Variants in PLAC8 observed in about 807,000 individuals in gnomAD.
The protein encoded by PLAC8 is placenta associated 8, also known as placenta-specific gene 8 protein.
In PLAC8, 6 loss-of-function variants were observed where a neutral mutation model predicts 12.6. That is an observed-to-expected ratio of 0.48 (90% confidence interval 0.26 to 0.94). The LOEUF (loss-of-function observed/expected upper bound fraction) is 0.94. PLAC8 is among the 40% of genes least tolerant of loss of function. The pLI is 0.14. For synonymous variants in PLAC8, 54 were observed against 52.6 expected, an observed-to-expected ratio of 1.03 and a Z score of -0.11; for missense variants, 122 against 152.7, an observed-to-expected ratio of 0.80 and a Z score of 1.06.
chr4:83,109,524 G>A (rs1383150248), intron 1 of PLAC8, among the ~76,000 whole-genome samples: 1 of 152,238 alleles, frequency 6.6e-6, no homozygotes, highest in Non-Finnish European at 1.5e-5. Context: ...GGATGTGTAC[G>A]TGGCGGTGGA....
In PLAC8 at chr4:83,112,204, GTATATATATATATGTATA is replaced by G. The variant is rs1308320137; in HGVS notation, c.-30+2444_-30+2461del. 3.7e-4 allele frequency among the ~76,000 whole-genome samples: 47 copies of G among 128,556 alleles called. 1 individual carries two copies. In the South Asian group the frequency reaches 3.8e-3, roughly 10 times the overall value. The allele number at this position is 128,556 out of a possible 152,430, so 84.3% of individuals were successfully genotyped here. A position where few individuals can be genotyped will look rare whatever the true frequency, so the allele number is the denominator to read the frequency against. ...AAAAAAAATTTATATATATATATAT[GTATATATATATATGTATA>G]TATATATATATATATGTATCAGCTG... On this transcript the variant is annotated intron_variant, in intron 1 of 4. Transcript: ENST00000311507.
chr4:83,090,359 C>G lies in PLAC8; in HGVS notation c.*622G>C, dbSNP rs1228163148. 1.3e-5 allele frequency: 2 copies of G among 151,710 alleles called. No individual in the cohort carries two copies. The highest frequency in any genetic ancestry group is 4.8e-5 in the African/African-American group (2 of 41,296). 9.4% of individuals were successfully genotyped at this position (151,710 alleles called of 1,614,324 possible). A position where few individuals can be genotyped will look rare whatever the true frequency, so the allele number is the denominator to read the frequency against. On this transcript the variant is annotated 3_prime_UTR_variant, in exon 5 of 5. Coordinates refer to ENST00000311507, the MANE Select transcript of PLAC8 (RefSeq NM_016619.3). Reference sequence around the variant, plus strand: ...CCTGACCAAGATGGTGAAACCCCGTCTCTACTAAAAATACAAAAATTAGCT... The same window carrying G: ...CCTGACCAAGATGGTGAAACCCCGTGTCTACTAAAAATACAAAAATTAGCT...
chr4:83,111,634 A>C (rs1732425654), intron 1 of PLAC8, among the ~76,000 whole-genome samples: 1 of 152,182 alleles, frequency 6.6e-6, no homozygotes, highest in African/African-American at 2.4e-5. Context: ...CAGAGGAAAA[A>C]CATGTTCATT....
rs546080851 is a variant in PLAC8, at chr4:83,113,152, G to A, written c.-30+1514C>T. ...GTCTAAAAGTCTGTAACGTGCACCCGCAGGGCTGCTGCCCTTATGCCATAG... is the reference window on the plus strand; with the variant it reads ...GTCTAAAAGTCTGTAACGTGCACCCACAGGGCTGCTGCCCTTATGCCATAG... On this transcript the variant is annotated intron_variant, in intron 1 of 4. Transcript: ENST00000311507. 1.5e-4 allele frequency among the ~76,000 whole-genome samples: 23 copies of A among 152,334 alleles called. No individual in the cohort carries two copies. In the South Asian group the frequency reaches 4.8e-3, roughly 32 times the overall value.
chr4:83,098,706 A>C (rs1732007497), intron 3 of PLAC8, among the ~76,000 whole-genome samples: 1 of 151,494 alleles, frequency 6.6e-6, no homozygotes, highest in Non-Finnish European at 1.5e-5. Context: ...TCTTGTTTGG[A>C]AAGCTAAGTC....
At chr4:83,107,493 A>G (rs1032849672) in intron 2 of PLAC8, among the ~76,000 whole-genome samples, 2 of 152,094 alleles carry the variant, frequency 1.3e-5, no homozygotes, top group Admixed American at 6.5e-5. Flanking sequence ...AGTTCTATTT[A>G]GTCAGGCCAG....
At chr4:83,093,908 G>A (rs1731864826) in intron 4 of PLAC8, 2 of 152,082 alleles carry the variant, frequency 1.3e-5, no homozygotes, top group Admixed American at 1.3e-4. Context: ...CTAAGTAAAT[G>A]AACATTTTTT....
chr4:83,112,204 G>GTATATATATA (rs754066888), intron 1 of PLAC8, among the ~76,000 whole-genome samples: 89 of 128,662 alleles, frequency 6.9e-4, no homozygotes, highest in African/African-American at 3.3e-3. Flanking sequence ...ATATATATAT[G>GTATATATATA]TATATATATA....
intron 1 of PLAC8, among the ~76,000 whole-genome samples, chr4:83,113,279 T>A (rs1732465576): frequency 6.6e-6 from 1 of 152,152 alleles, no homozygotes; most frequent in Non-Finnish European, 1.5e-5. Flanking sequence ...TACACCTTCC[T>A]CCATGCGATG....
intron 3 of PLAC8, among the ~76,000 whole-genome samples, chr4:83,097,524 G>T (rs1731969896): frequency 6.6e-6 from 1 of 152,068 alleles, no homozygotes; most frequent in Non-Finnish European, 1.5e-5. Flanking sequence ...AAAATTGTTT[G>T]ATTTACCTAC....
chr4:83,113,629 C>G (rs1342126053), intron 1 of PLAC8, among the ~76,000 whole-genome samples: 5 of 151,938 alleles, frequency 3.3e-5, no homozygotes, highest in Admixed American at 3.3e-4. Context: ...TTGTTCCATG[C>G]CATCTTTAAC....
chr4:83,094,644 A>G (rs984714940), intron 4 of PLAC8, 34 bp downstream of exon 4: 2 of 1,109,530 alleles, frequency 1.8e-6, no homozygotes, highest in African/African-American at 3.1e-5. Flanking sequence ...CTAAAAACCC[A>G]CATGTTCTGA....
intron 4 of PLAC8, chr4:83,094,444 T>C: frequency 2.7e-6 from 1 of 369,666 alleles, no homozygotes; most frequent in Non-Finnish European, 4.9e-6. Flanking sequence ...ACCAGAATTC[T>C]GAGAAGTTTA....
At position 83,093,527 on chromosome 4, in the gene PLAC8, A is replaced by T. The variant is rs75612542; in HGVS notation, c.*9+1151T>A. ...TAATTAGTCTTCATTAAATCTTTGA[A>T]CTATCACAGTTTGAGTGCCATCTGT... On this transcript the variant is annotated intron_variant, in intron 4 of 4. Transcript: ENST00000311507. 13 of 152,296 alleles carry T rather than the reference A, an allele frequency of 8.5e-5. No homozygotes were observed. In the East Asian group the frequency reaches 2.5e-3, roughly 29 times the overall value. The allele number at this position is 152,296 out of a possible 1,614,324, so 9.4% of individuals were successfully genotyped here. A position where few individuals can be genotyped will look rare whatever the true frequency, so the allele number is the denominator to read the frequency against.
intron 3 of PLAC8, among the ~76,000 whole-genome samples, chr4:83,098,529 G>T (rs183619076): frequency 2.6e-5 from 4 of 152,278 alleles, no homozygotes; most frequent in Admixed American, 6.5e-5. Flanking sequence ...CACCAAAGAT[G>T]CACTAATGCA....
intron 3 of PLAC8, among the ~76,000 whole-genome samples, chr4:83,100,504 CG>C (rs1732073731): frequency 1.5e-5 from 1 of 64,552 alleles, no homozygotes; most frequent in African/African-American, 7.2e-5. Context: ...TATAGCAATG[CG>C]AGAACCTTTT....
intron 3 of PLAC8, among the ~76,000 whole-genome samples, chr4:83,096,140 T>C (rs1174413269): frequency 6.6e-6 from 1 of 152,242 alleles, no homozygotes; most frequent in Non-Finnish European, 1.5e-5. Flanking sequence ...TATTACCATG[T>C]TTGTTTAAAC....
At chr4:83,094,851 G>A in intron 3 of PLAC8, 60 bp from the exon 4 acceptor site, 1 of 963,908 alleles carries the variant, frequency 1.0e-6, no homozygotes, top group Non-Finnish European at 1.5e-6. Flanking sequence ...ATTAAGACTT[G>A]CCACATCTTG....
intron 3 of PLAC8, among the ~76,000 whole-genome samples, chr4:83,095,969 G>C (rs757633903): frequency 6.6e-6 from 1 of 152,154 alleles, no homozygotes; most frequent in African/African-American, 2.4e-5. Flanking sequence ...GTCTGCAAAC[G>C]ATGTTAAGCA....
Sources: gnomAD v4.1 joint callset for allele counts (sites outside exome capture counted in the v4.1 genomes callset) on GRCh38, gnomAD v4.1.1 for gene constraint, MANE v1.5 for transcripts, NCBI Gene and HGNC (gene_info 2026-07-23, HGNC 2026-07-21) for gene names.